SHTN1: variants seen among roughly 807,000 people sequenced by gnomAD.
SHTN1 encodes shootin 1.
In SHTN1, 42 loss-of-function variants were observed where a neutral mutation model predicts 83.1. The ratio of observed to expected loss-of-function variants is 0.51; its 90% CI spans 0.39 to 0.65. The LOEUF (loss-of-function observed/expected upper bound fraction) is 0.65, where lower values mean the gene tolerates loss of function less well. SHTN1 is among the 30% of genes least tolerant of loss of function. The pLI, the probability that SHTN1 is intolerant of heterozygous loss-of-function variation, is 0.00. For synonymous variants in SHTN1, 224 were observed against 247.7 expected (o/e 0.90, Z 0.90); for missense variants, 622 against 737.8 (o/e 0.84, Z 1.82).
At chr10:117,045,642 G>C (rs1159903662) in intron 2 of SHTN1, among the ~76,000 whole-genome samples, 1 of 152,186 alleles carries the variant, frequency 6.6e-6, no homozygotes, top group East Asian at 1.9e-4. Flanking sequence ...CTAACTTCTA[G>C]TCAGATTAAC....
chr10:117,107,218 T>A (rs1188904235), intron 1 of SHTN1, among the ~76,000 whole-genome samples: 1 of 152,164 alleles, frequency 6.6e-6, no homozygotes, highest in Non-Finnish European at 1.5e-5. Flanking sequence ...ATGTAGAATA[T>A]CACTATACTT....
At chr10:117,003,859 T>C (rs985982611) in intron 1 of SHTN1, among the ~76,000 whole-genome samples, 1 of 152,182 alleles carries the variant, frequency 6.6e-6, no homozygotes, top group Non-Finnish European at 1.5e-5. Flanking sequence ...CCTTTAAATC[T>C]GTATGGTTCC....
At chr10:116,967,666 T>C (rs1298419474) in intron 3 of SHTN1, among the ~76,000 whole-genome samples, 3 of 152,170 alleles carry the variant, frequency 2.0e-5, no homozygotes, top group Non-Finnish European at 4.4e-5. Flanking sequence ...TACAACACAG[T>C]ATTATTAGCT....
In SHTN1 at chr10:116,963,199, G is replaced by A. The variant is rs1308548880; in HGVS notation, c.173-2969C>T. 2.7e-5 allele frequency among the ~76,000 whole-genome samples: 4 copies of A among 149,380 alleles called. No individual in the cohort carries two copies. The South Asian group carries it at 8.7e-4, about 32-fold the overall frequency. On this transcript the variant is annotated intron_variant, in intron 3 of 16. Coordinates refer to ENST00000355371, the MANE Select transcript of SHTN1 (RefSeq NM_001127211.3). ...CCATTCTCCTGCCTCAGCCTCCCGA[G>A]TAGCTGGGACTACAGGCGCCCGCCA... is the stretch of plus-strand genomic sequence containing the variant.
intron 1 of SHTN1, among the ~76,000 whole-genome samples, chr10:116,989,748 G>A (rs1412476021): frequency 2.6e-5 from 4 of 152,194 alleles, no homozygotes; most frequent in African/African-American, 9.7e-5. Flanking sequence ...CTTTGTTGAA[G>A]ATGGTAATAT....
chr10:116,898,306 C>T (rs1269607126), intron 16 of SHTN1, among the ~76,000 whole-genome samples: 6 of 150,050 alleles, frequency 4.0e-5, no homozygotes, highest in African/African-American at 1.2e-4. Flanking sequence ...CCAGCCTGGG[C>T]GACAGCAAGA....
intron 16 of SHTN1, among the ~76,000 whole-genome samples, chr10:116,898,788 T>C (rs760637702): frequency 5.4e-4 from 82 of 152,294 alleles, no homozygotes; most frequent in Non-Finnish European, 1.8e-4. Flanking sequence ...GCTTTGCATA[T>C]GTTGGTGACA....
chr10:117,001,180 C>T (rs1437020163), intron 1 of SHTN1, among the ~76,000 whole-genome samples: 1 of 151,768 alleles, frequency 6.6e-6, no homozygotes, highest in African/African-American at 2.4e-5. Context: ...CCAAAAAAGA[C>T]AAAAGGAGAA....
chr10:117,114,165 T>C (rs759289063), intron 1 of SHTN1, among the ~76,000 whole-genome samples: 1 of 152,216 alleles, frequency 6.6e-6, no homozygotes, highest in Non-Finnish European at 1.5e-5. Context: ...GCTGTAATCA[T>C]GCCACTGTAC....
chr10:117,035,422 G>A (rs1243430013), intron 2 of SHTN1, among the ~76,000 whole-genome samples: 2 of 152,116 alleles, frequency 1.3e-5, no homozygotes, highest in Non-Finnish European at 2.9e-5. Flanking sequence ...ACACTGGTCT[G>A]AGCAAAAATT....
intron 10 of SHTN1, 76 bp downstream of exon 10, chr10:116,929,773 T>C (rs1475355624): frequency 3.2e-6 from 3 of 929,348 alleles, no homozygotes; most frequent in East Asian, 2.7e-5. Flanking sequence ...AGACTAACTA[T>C]ATGCCAGGTT....
In SHTN1 at chr10:116,883,077, TAACAA is replaced by T. The variant is rs1179778501; in HGVS notation, c.*3262_*3266del. ...AACCAGAGCAAAAATGTACAATGAA[TAACAA>T]AATAACTAAATTAAATTAACCAAAG... On this transcript the variant is annotated 3_prime_UTR_variant, in exon 17 of 17. Coordinates refer to ENST00000355371, the MANE Select transcript of SHTN1 (RefSeq NM_001127211.3). The T allele has an allele frequency of 6.6e-6, 1 of 151,886 alleles. No individual in the cohort carries two copies. Among genetic ancestry groups the T allele is most frequent in the Non-Finnish European group, 1.5e-5 (1 of 67,982 alleles). 9.4% of individuals were successfully genotyped at this position (151,886 alleles called of 1,614,324 possible).
intron 16 of SHTN1, chr10:116,900,373 C>CT: frequency 1.6e-6 from 1 of 636,956 alleles, no homozygotes; most frequent in South Asian, 2.0e-5. Flanking sequence ...ACAACTGTGT[C>CT]TGTCAACACA....
chr10:116,930,752 G>T (rs1848931405), intron 9 of SHTN1, among the ~76,000 whole-genome samples: 1 of 152,066 alleles, frequency 6.6e-6, no homozygotes, highest in South Asian at 2.1e-4. Context: ...TCCAATAATG[G>T]GACTGTTGGG....
intron 11 of SHTN1, 69 bp downstream of exon 11, chr10:116,927,723 A>G: frequency 7.0e-7 from 1 of 1,424,146 alleles, no homozygotes; most frequent in South Asian, 1.7e-5. Context: ...TTTTAAGATG[A>G]CTCCTCTTAT....
At chr10:116,997,896 T>C (rs1218649777) in intron 1 of SHTN1, among the ~76,000 whole-genome samples, 1 of 152,110 alleles carries the variant, frequency 6.6e-6, no homozygotes, top group Non-Finnish European at 1.5e-5. Context: ...ACCGAAACCA[T>C]CCTGGCTAAC....
At chr10:116,962,444 T>A (rs770911700) in intron 3 of SHTN1, among the ~76,000 whole-genome samples, 33 of 152,168 alleles carry the variant, frequency 2.2e-4, no homozygotes, top group Non-Finnish European at 4.4e-4. Flanking sequence ...AATATTACTT[T>A]GAATTTTTAG....
At chr10:116,945,044 AC>A in intron 7 of SHTN1, 26 bp from the exon 8 acceptor site, 4 of 1,337,924 alleles carry the variant, frequency 3.0e-6, no homozygotes, top group Non-Finnish European at 4.2e-6. Flanking sequence ...GAAAAAAAAA[AC>A]CCAGACAATA....
intron 16 of SHTN1, among the ~76,000 whole-genome samples, chr10:116,895,237 C>CA (rs750516276): frequency 6.6e-6 from 1 of 152,028 alleles, no homozygotes; most frequent in Non-Finnish European, 1.5e-5. Context: ...TATTTGACTT[C>CA]TGGGAAAAAA....
Sources: gnomAD v4.1 joint callset for allele counts (sites outside exome capture counted in the v4.1 genomes callset) on GRCh38, gnomAD v4.1.1 for gene constraint, MANE v1.5 for transcripts, NCBI Gene and HGNC (gene_info 2026-07-23, HGNC 2026-07-21) for gene names.